The following PEBP4 variants were observed in gnomAD, a reference collection of about 807,000 sequenced individuals.
PEBP4 encodes phosphatidylethanolamine-binding protein 4.
PEBP4 carries 22 observed loss-of-function variants against 23.9 expected under a neutral mutation model. The ratio of observed to expected loss-of-function variants is 0.92; its 90% CI spans 0.66 to 1.31. The LOEUF is 1.31. PEBP4 is among the 40% of genes most tolerant of loss of function. PEBP4 has a pLI of 0.00. For missense variants in PEBP4, 324 were observed against 281.7 expected (o/e 1.15, Z -1.07); for synonymous variants, 112 against 99.3 (o/e 1.13, Z -0.76).
chr8:22,939,637 T>C (rs1441850189), intron 1 of PEBP4, among the ~76,000 whole-genome samples: 1 of 151,726 alleles, frequency 6.6e-6, no homozygotes, highest in Non-Finnish European at 1.5e-5. Flanking sequence ...ATGTTCGCTT[T>C]CCTTCTACCA....
intron 3 of PEBP4, among the ~76,000 whole-genome samples, chr8:22,891,194 A>G (rs1452226559): frequency 2.6e-5 from 4 of 152,226 alleles, no homozygotes; most frequent in Non-Finnish European, 4.4e-5. Context: ...CAGATGTCCA[A>G]TAAAGGTCAG....
At chr8:22,874,962 T>C (rs924804367) in intron 3 of PEBP4, among the ~76,000 whole-genome samples, 14 of 152,124 alleles carry the variant, frequency 9.2e-5, no homozygotes, top group Non-Finnish European at 1.9e-4. Context: ...CAGCTGTCCA[T>C]TGGGGCTTTA....
chr8:22,806,736 T>C (rs1345592065), intron 4 of PEBP4, among the ~76,000 whole-genome samples: 1 of 152,186 alleles, frequency 6.6e-6, no homozygotes, highest in Non-Finnish European at 1.5e-5. Flanking sequence ...TCAGGAATGA[T>C]TTGTTAACAA....
At chr8:22,774,029 T>A (rs1178680815) in intron 4 of PEBP4, among the ~76,000 whole-genome samples, 1 of 152,082 alleles carries the variant, frequency 6.6e-6, no homozygotes, top group African/African-American at 2.4e-5. Flanking sequence ...TACTCAGGTC[T>A]CTTCAACTAT....
Position 22,810,671 on chromosome 8 carries a change from T to G in PEBP4, c.357+6966A>C, listed in dbSNP as rs930205687. Among the ~76,000 whole-genome samples, 64 of 27,118 alleles carry G rather than the reference T, an allele frequency of 2.4e-3. No individual in the cohort carries two copies. The East Asian group carries it at 0.053, about 22-fold the overall frequency. 17.8% of individuals were successfully genotyped at this position (27,118 alleles called of 152,430 possible). A position where few individuals can be genotyped will look rare whatever the true frequency, so the allele number is the denominator to read the frequency against. On this transcript the variant is annotated intron_variant, in intron 4 of 6. Transcript: ENST00000256404. ...CCCTTTGGGGTGTCTCATGGAGGGGTGTGTGTGTGTGTGTGTGTGTGTGTG... is the reference window on the plus strand; with the variant it reads ...CCCTTTGGGGTGTCTCATGGAGGGGGGTGTGTGTGTGTGTGTGTGTGTGTG...
intron 4 of PEBP4, among the ~76,000 whole-genome samples, chr8:22,751,457 A>G (rs1805256455): frequency 6.6e-6 from 1 of 152,160 alleles, no homozygotes; most frequent in South Asian, 2.1e-4. Context: ...TGATGAACTA[A>G]GGGAGGAATC....
chr8:22,927,489 G>C, intron 2 of PEBP4, 95 bp downstream of exon 2: 1 of 1,421,574 alleles, frequency 7.0e-7, no homozygotes, highest in Non-Finnish European at 9.4e-7. Context: ...TCAGGCTCAG[G>C]AGATGGTGCT....
At chr8:22,778,704 A>G (rs952612236) in intron 4 of PEBP4, among the ~76,000 whole-genome samples, 3 of 152,008 alleles carry the variant, frequency 2.0e-5, no homozygotes, top group African/African-American at 7.2e-5. Context: ...TCCCCAGCAA[A>G]GCCTCCTGGG....
At chr8:22,871,906 T>C (rs1450049242) in intron 3 of PEBP4, among the ~76,000 whole-genome samples, 1 of 152,108 alleles carries the variant, frequency 6.6e-6, no homozygotes, top group Non-Finnish European at 1.5e-5. Flanking sequence ...CTGTACCCAG[T>C]ATGTAGTCTT....
At chr8:22,765,133 C>CTTCCTTCCTTCCTTCCTTCA (rs1805584294) in intron 4 of PEBP4, among the ~76,000 whole-genome samples, 1 of 151,482 alleles carries the variant, frequency 6.6e-6, no homozygotes, top group African/African-American at 2.4e-5. Flanking sequence ...TCCTTCCTTC[C>CTTCCTTCCTTCCTTCCTTCA]TTCCTTCCTT....
chr8:22,805,845 T>C (rs1473002398), intron 4 of PEBP4, among the ~76,000 whole-genome samples: 1 of 152,110 alleles, frequency 6.6e-6, no homozygotes, highest in Non-Finnish European at 1.5e-5. Context: ...AGTGCCTGAA[T>C]GAAACCTATT....
At chr8:22,908,243 C>T (rs975441338) in intron 3 of PEBP4, among the ~76,000 whole-genome samples, 3 of 151,960 alleles carry the variant, frequency 2.0e-5, no homozygotes, top group Non-Finnish European at 4.4e-5. Context: ...AAAGTCATGG[C>T]ATTGGATGAG....
intron 4 of PEBP4, among the ~76,000 whole-genome samples, chr8:22,797,168 C>T (rs1242371291): frequency 2.0e-5 from 3 of 150,094 alleles, no homozygotes; most frequent in African/African-American, 4.9e-5. Flanking sequence ...GCAGAAGAAT[C>T]GCTTGACCCA....
chr8:22,904,262 G>A (rs541500778), intron 3 of PEBP4, among the ~76,000 whole-genome samples: 8 of 152,332 alleles, frequency 5.3e-5, no homozygotes, highest in African/African-American at 1.7e-4. Flanking sequence ...TGGAAGAGGA[G>A]AAGGAGCCAG....
chr8:22,713,428 G>C lies in PEBP4; in HGVS notation c.626C>G (p.Pro209Arg), dbSNP rs368902265. The C allele has an allele frequency of 3.4e-5, 55 of 1,612,592 alleles. No homozygotes were observed. In the African/African-American group the frequency reaches 5.2e-4, roughly 15 times the overall value. The change falls in exon 7 of 7, where the codon CCC becomes CGC. Residue 209 changes from proline (P) to arginine (R), a missense_variant. Transcript: ENST00000256404. ...NYQDSPTLQA[P>R]RERASEPKHK... ...CTTGGGCTCGCTGGCCCTTTCTCTG[G>C]GAGCCTGGAGGGTTGGTGAGTCCTG...
intron 4 of PEBP4, among the ~76,000 whole-genome samples, chr8:22,727,850 C>T (rs1804648958): frequency 6.6e-6 from 1 of 152,106 alleles, no homozygotes; most frequent in South Asian, 2.1e-4. Flanking sequence ...GCCTCAGTTT[C>T]CCTCCTCTCT....
chr8:22,773,029 A>T (rs1585264689), intron 4 of PEBP4, among the ~76,000 whole-genome samples: 1 of 124,156 alleles, frequency 8.1e-6, no homozygotes, highest in Non-Finnish European at 1.7e-5. Context: ...CCCACCCCCT[A>T]CCCCTCTTTC....
intron 4 of PEBP4, among the ~76,000 whole-genome samples, chr8:22,749,334 CTCT>C (rs1411164765): frequency 2.0e-5 from 3 of 152,178 alleles, no homozygotes; most frequent in Non-Finnish European, 4.4e-5. Context: ...CTCTCTGCAG[CTCT>C]TCTTGTTTTA....
chr8:22,847,422 CTG>C (rs1383463142), intron 3 of PEBP4, among the ~76,000 whole-genome samples: 2 of 152,194 alleles, frequency 1.3e-5, no homozygotes, highest in African/African-American at 4.8e-5. Context: ...TTTATGAACT[CTG>C]TCTAGTTGGA....
Sources: allele counts gnomAD v4.1 joint callset (sites outside exome capture counted in the v4.1 genomes callset), GRCh38; gene constraint gnomAD v4.1.1; transcripts MANE v1.5; gene names NCBI Gene and HGNC (gene_info 2026-07-23, HGNC 2026-07-21).